The following ANO2 variants were observed in gnomAD, a reference collection of about 807,000 sequenced individuals.
The protein encoded by ANO2 is anoctamin 2, also known as anoctamin-2.
ANO2 carries 101 observed loss-of-function variants against 124.2 expected under a neutral mutation model. The observed-to-expected ratio is 0.81, with a 90% CI of 0.69 to 0.96. The LOEUF is 0.96. ANO2 is among the 40% of genes least tolerant of loss of function. ANO2 has a pLI of 0.00. For synonymous variants in ANO2, 486 were observed against 482.5 expected (o/e 1.01, Z -0.09); for missense variants, 1,293 against 1,274.5 (o/e 1.01, Z -0.22).
chr12:5,595,495 T>G (rs1455269272), intron 20 of ANO2, among the ~76,000 whole-genome samples: 1 of 152,116 alleles, frequency 6.6e-6, no homozygotes, highest in Non-Finnish European at 1.5e-5. Context: ...AGTGCTGGGT[T>G]TATAAGCATG....
At chr12:5,690,201 C>T (rs1167275289) in intron 14 of ANO2, among the ~76,000 whole-genome samples, 1 of 152,162 alleles carries the variant, frequency 6.6e-6, no homozygotes, top group Non-Finnish European at 1.5e-5. Context: ...CAACACACTA[C>T]AGGGAAAGTG....
In ANO2 at chr12:5,872,255, C is replaced by T. The variant is rs541568794; in HGVS notation, c.535-18114G>A. On this transcript the variant is annotated intron_variant, in intron 3 of 24. Transcript: ENST00000682330. ...GCATCCAGAGAGCAAGTACCAAAAA[C>T]TCATCTTCATCCTGGCTTACCTGTC... 1.6e-3 allele frequency among the ~76,000 whole-genome samples: 241 copies of T among 152,276 alleles called. 1 individual carries two copies. Among genetic ancestry groups the T allele is most frequent in the African/African-American group, 5.6e-3 (234 of 41,550 alleles).
In ANO2 at chr12:5,622,919, G is replaced by A. The variant is rs144514950; in HGVS notation, c.1817-7622C>T. On this transcript the variant is annotated intron_variant, in intron 16 of 24. Coordinates refer to ENST00000682330, the MANE Select transcript of ANO2 (RefSeq NM_001364791.2). ...GCAGAGGTTGCAGTGAGCTGAGATC[G>A]TGCCACCGCACTCCAGCCTGGACAA... Among the ~76,000 whole-genome samples the A allele has an allele frequency of 6.4e-3, 966 of 150,292 alleles. 8 individuals carry two copies. The highest frequency in any genetic ancestry group is 0.022 in the African/African-American group (879 of 40,720).
chr12:5,689,287 G>C (rs186231299), intron 14 of ANO2, among the ~76,000 whole-genome samples: 1 of 152,248 alleles, frequency 6.6e-6, no homozygotes, highest in African/African-American at 2.4e-5. Flanking sequence ...TTTGGTTAGA[G>C]AACAGGAGAT....
intron 10 of ANO2, among the ~76,000 whole-genome samples, chr12:5,780,668 C>T (rs537381812): frequency 5.1e-4 from 78 of 152,246 alleles, no homozygotes; most frequent in African/African-American, 1.8e-3. Context: ...AGTCACTGGC[C>T]GTGTACGTGG....
chr12:5,638,237 C>CTTTTTTTTTTTT lies in ANO2; in HGVS notation c.1621-2902_1621-2891dup, dbSNP rs35224024. On this transcript the variant is annotated intron_variant, in intron 15 of 24. Coordinates refer to ENST00000682330, the MANE Select transcript of ANO2 (RefSeq NM_001364791.2). ...ATCTTCACTAGCACTGTTTCTTTTCCTTTTTTTTTTTTTTTTGAGACGGAG... is the reference window on the plus strand; with the variant it reads ...ATCTTCACTAGCACTGTTTCTTTTCCTTTTTTTTTTTTTTTTTTTTTTTTTTTTGAGACGGAG... Among the ~76,000 whole-genome samples the CTTTTTTTTTTTT allele has an allele frequency of 4.7e-4, 59 of 124,852 alleles. 7 individuals are homozygous for CTTTTTTTTTTTT. Among genetic ancestry groups the CTTTTTTTTTTTT allele is most frequent in the East Asian group, 1.1e-3 (4 of 3,658 alleles). The allele number at this position is 124,852 out of a possible 152,430, so 81.9% of individuals were successfully genotyped here.
intron 16 of ANO2, among the ~76,000 whole-genome samples, chr12:5,622,162 GTCT>G (rs1263617546): frequency 6.6e-6 from 1 of 152,130 alleles, no homozygotes; most frequent in Non-Finnish European, 1.5e-5. Flanking sequence ...AGTGGCATAT[GTCT>G]TTAATTTTAT....
At chr12:5,815,680 A>G (rs1404108277) in intron 7 of ANO2, among the ~76,000 whole-genome samples, 1 of 152,194 alleles carries the variant, frequency 6.6e-6, no homozygotes, top group Non-Finnish European at 1.5e-5. Flanking sequence ...AAACTAGAAG[A>G]CATTATGGTT....
chr12:5,894,724 C>G (rs1473939397), intron 3 of ANO2, among the ~76,000 whole-genome samples: 1 of 152,146 alleles, frequency 6.6e-6, no homozygotes, highest in Non-Finnish European at 1.5e-5. Flanking sequence ...GCCAGTTTTC[C>G]CAACACCATT....
intron 14 of ANO2, among the ~76,000 whole-genome samples, chr12:5,681,097 C>G (rs10744689): frequency 6.6e-6 from 1 of 151,986 alleles, no homozygotes; most frequent in Non-Finnish European, 1.5e-5. Flanking sequence ...AACCTGCACA[C>G]AGGGATTTGC....
At chr12:5,589,655 C>G (rs1351391778) in intron 20 of ANO2, among the ~76,000 whole-genome samples, 1 of 152,048 alleles carries the variant, frequency 6.6e-6, no homozygotes, top group African/African-American at 2.4e-5. Context: ...CCAAAGGCAT[C>G]TCTATTTTAG....
At chr12:5,578,157 G>GC (rs772993558) in intron 21 of ANO2, 150 bp from the exon 22 acceptor site, 45 of 1,235,152 alleles carry the variant, frequency 3.6e-5, no homozygotes, top group Non-Finnish European at 3.8e-5. Context: ...GGCTTAGGTA[G>GC]CCCCCCCATC....
At chr12:5,610,816 C>CCA (rs1282986847) in intron 19 of ANO2, among the ~76,000 whole-genome samples, 2 of 65,990 alleles carry the variant, frequency 3.0e-5, no homozygotes, top group Admixed American at 4.1e-4. Flanking sequence ...TCAGAGTTGT[C>CCA]CATACACACA....
intron 12 of ANO2, among the ~76,000 whole-genome samples, chr12:5,743,008 A>G (rs563116294): frequency 6.6e-6 from 1 of 151,750 alleles, no homozygotes; most frequent in Admixed American, 6.6e-5. Context: ...GATAATAGAG[A>G]ATAGAGTGTG....
intron 3 of ANO2, among the ~76,000 whole-genome samples, chr12:5,912,787 G>A (rs1941131991): frequency 6.6e-6 from 1 of 152,222 alleles, no homozygotes; most frequent in Non-Finnish European, 1.5e-5. Context: ...AAGCAGGACA[G>A]GAACACAGCC....
intron 20 of ANO2, among the ~76,000 whole-genome samples, chr12:5,584,507 G>C (rs1310499654): frequency 6.6e-6 from 1 of 152,162 alleles, no homozygotes; most frequent in African/African-American, 2.4e-5. Flanking sequence ...GGACACACTG[G>C]TATGAGCTTG....
chr12:5,747,775 C>T (rs1401323538), intron 11 of ANO2, among the ~76,000 whole-genome samples: 2 of 152,174 alleles, frequency 1.3e-5, no homozygotes, highest in Non-Finnish European at 2.9e-5. Context: ...GCTTATCTTA[C>T]CCCATCTTGT....
chr12:5,812,516 G>A lies in ANO2; in HGVS notation c.893-5148C>T, dbSNP rs1342337840. Among the ~76,000 whole-genome samples, 6 of 56,020 alleles carry A rather than the reference G, an allele frequency of 1.1e-4. No individual in the cohort carries two copies. The East Asian group carries it at 2.0e-3, about 18-fold the overall frequency. 36.8% of individuals were successfully genotyped at this position (56,020 alleles called of 152,430 possible). On this transcript the variant is annotated intron_variant, in intron 7 of 24. Transcript: ENST00000682330. ...AGGAAGAAAGGGAGGGAGGGAAGGA[G>A]GAAGGGAGGGAGGGAGGGCAGGCAG...
intron 22 of ANO2, among the ~76,000 whole-genome samples, chr12:5,576,842 G>C (rs576330060): frequency 2.0e-5 from 3 of 152,328 alleles, no homozygotes; most frequent in African/African-American, 7.2e-5. Context: ...GAATGTGAAC[G>C]GCCAGAACCA....
Sources: allele counts gnomAD v4.1 joint callset (sites outside exome capture counted in the v4.1 genomes callset), GRCh38; gene constraint gnomAD v4.1.1; transcripts MANE v1.5; gene names NCBI Gene and HGNC (gene_info 2026-07-23, HGNC 2026-07-21).